The following OMA1 variants were observed in gnomAD, a reference collection of about 807,000 sequenced individuals.
OMA1 encodes OMA1 zinc metallopeptidase.
In OMA1, 38 loss-of-function variants were observed where a neutral mutation model predicts 30.9. That is an observed-to-expected ratio of 1.23 (90% CI 0.95 to 1.61). The LOEUF is 1.61. Among genes scored for constraint, OMA1 ranks in the 40% most tolerant of loss-of-function variants. The pLI, the probability that OMA1 is intolerant of heterozygous loss-of-function variation, is 0.00. For synonymous variants in OMA1, 173 were observed against 121.9 expected (o/e 1.42, Z -2.76); for missense variants, 461 against 349.2 (o/e 1.32, Z -2.55).
At chr1:58,530,177 G>A (rs1001540713) in intron 6 of OMA1, among the ~76,000 whole-genome samples, 20 of 152,126 alleles carry the variant, frequency 1.3e-4, no homozygotes, top group African/African-American at 3.9e-4. Context: ...CACGGCGCCC[G>A]GCCAATACCA....
intron 6 of OMA1, among the ~76,000 whole-genome samples, chr1:58,530,057 A>G (rs1646410989): frequency 6.6e-6 from 1 of 151,982 alleles, no homozygotes; most frequent in Admixed American, 6.6e-5. Context: ...ATTTTTTTGT[A>G]TTTTTAGTAG....
intron 7 of OMA1, among the ~76,000 whole-genome samples, chr1:58,507,711 G>T (rs1034922123): frequency 6.6e-6 from 1 of 152,000 alleles, no homozygotes; most frequent in African/African-American, 2.4e-5. Flanking sequence ...TGTAAAATAT[G>T]TATGTAACAT....
intron 8 of OMA1, among the ~76,000 whole-genome samples, chr1:58,496,325 T>A (rs906299049): frequency 1.3e-5 from 2 of 152,162 alleles, no homozygotes; most frequent in African/African-American, 4.8e-5. Context: ...TTTAACAATT[T>A]TCTGAAATGG....
chr1:58,490,238 A>G (rs1330097164), intron 8 of OMA1, among the ~76,000 whole-genome samples: 1 of 152,240 alleles, frequency 6.6e-6, no homozygotes, highest in African/African-American at 2.4e-5. Flanking sequence ...AATGCAGAGA[A>G]GTCCTTAAAG....
intron 7 of OMA1, among the ~76,000 whole-genome samples, chr1:58,511,234 G>T (rs1404193654): frequency 3.3e-5 from 5 of 152,106 alleles, no homozygotes; most frequent in African/African-American, 1.2e-4. Flanking sequence ...ATATTACAAA[G>T]CTACAGTAAT....
At chr1:58,507,807 C>T (rs1175380524) in intron 7 of OMA1, among the ~76,000 whole-genome samples, 1 of 151,702 alleles carries the variant, frequency 6.6e-6, no homozygotes, top group Non-Finnish European at 1.5e-5. Context: ...ATCACATTCA[C>T]AATAAAAATA....
chr1:58,497,527 C>A (rs1451506748), intron 8 of OMA1, among the ~76,000 whole-genome samples: 3 of 152,098 alleles, frequency 2.0e-5, no homozygotes, highest in Non-Finnish European at 4.4e-5. Context: ...CCAGACTATG[C>A]CACCCCAAAT....
intron 7 of OMA1, among the ~76,000 whole-genome samples, chr1:58,525,282 A>C (rs77507461): frequency 6.6e-6 from 1 of 152,128 alleles, no homozygotes; most frequent in Non-Finnish European, 1.5e-5. Context: ...GCACATTTCC[A>C]AAAAACCTTC....
chr1:58,508,181 G>C (rs757981969), intron 7 of OMA1, among the ~76,000 whole-genome samples: 22 of 152,142 alleles, frequency 1.4e-4, no homozygotes, highest in Non-Finnish European at 2.9e-4. Context: ...GGGGACTTGA[G>C]ATATCTACTT....
At chr1:58,487,789 C>G (rs1274783903) in intron 8 of OMA1, among the ~76,000 whole-genome samples, 1 of 152,104 alleles carries the variant, frequency 6.6e-6, no homozygotes, top group South Asian at 2.1e-4. Context: ...TTCCCCTCCC[C>G]CCTCAACACA....
At chr1:58,502,700 A>G (rs1645925478) in intron 8 of OMA1, among the ~76,000 whole-genome samples, 1 of 152,252 alleles carries the variant, frequency 6.6e-6, no homozygotes, top group African/African-American at 2.4e-5. Context: ...GTCAGAAATT[A>G]GACTACAATA....
At chr1:58,528,656 G>C in intron 6 of OMA1, among the ~76,000 whole-genome samples, 1 of 152,242 alleles carries the variant, frequency 6.6e-6, no homozygotes, top group East Asian at 1.9e-4. Flanking sequence ...GAATTATCCA[G>C]TCCAAAGTGT....
chr1:58,521,658 A>T (rs1465947464), intron 7 of OMA1, among the ~76,000 whole-genome samples: 1 of 152,142 alleles, frequency 6.6e-6, no homozygotes, highest in African/African-American at 2.4e-5. Flanking sequence ...ACTTCATGCC[A>T]ATGATTTTGA....
intron 8 of OMA1, among the ~76,000 whole-genome samples, chr1:58,484,681 G>T (rs12088905): frequency 0.15 from 22,972 of 152,106 alleles, 1,822 homozygotes; most frequent in Middle Eastern, 0.23. Flanking sequence ...TCCTTCGATA[G>T]GTGAATGGAT....
intron 8 of OMA1, among the ~76,000 whole-genome samples, chr1:58,483,462 C>T (rs1317989556): frequency 6.6e-6 from 1 of 152,126 alleles, no homozygotes; most frequent in Non-Finnish European, 1.5e-5. Flanking sequence ...TCTGATTAGG[C>T]TCTGAGTTAC....
Position 58,539,214 on chromosome 1 carries a change from T to A in OMA1, c.81A>T (p.Lys27Asn). The part of the protein sequence containing the change: ...FRFNSLSNWR[K>N]CNTLASTSRG... ...GTGAGGTGGATGCTAATGTGTTACA[T>A]TTTCTCCAGTTAGACAGTGAATTAA... Residue 27 changes from lysine to asparagine, a missense_variant, in exon 2 of 9, where the codon AAA becomes AAT. Physicochemically the swap from Lys to Asn is moderately conservative, Grantham distance 94. Coordinates refer to ENST00000371226, the MANE Select transcript of OMA1 (RefSeq NM_145243.5). 1 of 872,788 alleles carries A rather than the reference T, an allele frequency of 1.1e-6. No individual in the cohort carries two copies. The highest frequency in any genetic ancestry group is 2.0e-6 in the Non-Finnish European group (1 of 501,650). The allele number at this position is 872,788 out of a possible 1,614,324, so 54.1% of individuals were successfully genotyped here.
chr1:58,501,931 C>T (rs1557443504), intron 8 of OMA1, among the ~76,000 whole-genome samples: 1 of 152,054 alleles, frequency 6.6e-6, no homozygotes, highest in Non-Finnish European at 1.5e-5. Context: ...CTCACTGCCC[C>T]CCACTCCCGC....
At chr1:58,495,729 A>C (rs1177654339) in intron 8 of OMA1, among the ~76,000 whole-genome samples, 1 of 151,956 alleles carries the variant, frequency 6.6e-6, no homozygotes, top group African/African-American at 2.4e-5. Context: ...GTTTTTGTAG[A>C]TATCATACCA....
rs748081269 is a variant in OMA1 at position 58,534,296 on chromosome 1, C to G, written c.765G>C (p.Glu255Asp). 6 of 865,078 alleles carry G rather than the reference C, an allele frequency of 6.9e-6. No homozygotes were observed. The highest frequency in any genetic ancestry group is 1.0e-5 in the Non-Finnish European group (5 of 499,934). The allele number at this position is 865,078 out of a possible 1,614,324, so 53.6% of individuals were successfully genotyped here. Residue 255 changes from glutamate to aspartate, a missense_variant, in exon 4 of 9, where the codon GAG (glutamate) becomes GAC (aspartate). Transcript: ENST00000371226. Reference protein sequence around the residue: ...MEEFKNDMLTEKDARYLAVKE... With the variant: ...MEEFKNDMLTDKDARYLAVKE... ...TAACAGCCAGGTATCGGGCATCTTT[C>G]TCAGTTAGCATATCATTTTTAAATT...
Sources: gnomAD v4.1 joint callset for allele counts (sites outside exome capture counted in the v4.1 genomes callset) on GRCh38, gnomAD v4.1.1 for gene constraint, MANE v1.5 for transcripts, NCBI Gene and HGNC (gene_info 2026-07-23, HGNC 2026-07-21) for gene names.